The following FXYD5 variants were observed in gnomAD, a reference collection of about 807,000 sequenced individuals.
FXYD5 encodes FXYD domain-containing ion transport regulator 5.
FXYD5 carries 21 observed loss-of-function variants against 25.7 expected under a neutral mutation model. The observed-to-expected ratio is 0.82, with a 90% confidence interval of 0.58 to 1.18. The LOEUF is 1.18. FXYD5 is among the 50% of genes most tolerant of loss of function. FXYD5 has a pLI of 0.00. For missense variants in FXYD5, 229 were observed against 227.7 expected (o/e 1.01, Z -0.04); for synonymous variants, 101 against 90.7 (o/e 1.11, Z -0.64).
intron 8 of FXYD5, among the ~76,000 whole-genome samples, chr19:35,167,389 CACTT>C (rs1000628249): frequency 2.6e-5 from 4 of 152,190 alleles, no homozygotes; most frequent in African/African-American, 9.6e-5. Flanking sequence ...GCCACTGCCT[CACTT>C]GTGACCAAAC....
At chr19:35,163,916 T>G (rs2065427586) in intron 5 of FXYD5, 1 of 1,285,706 alleles carries the variant, frequency 7.8e-7, no homozygotes, top group African/African-American at 1.5e-5. Context: ...GGGTCTGGAG[T>G]CCCTCGGGGA....
chr19:35,169,477 G>C (rs1311662095), intron 8 of FXYD5, 89 bp from the exon 9 acceptor site: 1 of 988,514 alleles, frequency 1.0e-6, no homozygotes. Context: ...GAGGGGCAGG[G>C]TTGATCAATC....
intron 5 of FXYD5, among the ~76,000 whole-genome samples, chr19:35,162,387 A>G (rs1294328993): frequency 6.6e-6 from 1 of 152,196 alleles, no homozygotes; most frequent in African/African-American, 2.4e-5. Flanking sequence ...ACAAAATACC[A>G]CAGACTGGAT....
rs61309039 is a variant in FXYD5, at chr19:35,161,248, A to ACACACACAC, written c.292+447_292+448insCACACACAC. 1.1e-4 allele frequency among the ~76,000 whole-genome samples: 16 copies of ACACACACAC among 142,846 alleles called. 1 individual carries two copies. The highest frequency in any genetic ancestry group is 2.1e-4 in the Admixed American group (3 of 14,164). The allele number at this position is 142,846 out of a possible 152,430, so 93.7% of individuals were successfully genotyped here. The stretch of plus-strand genomic sequence containing the variant: ...CACACACACACACACACACACACAC[A>ACACACACAC]AAAGAATGATTGGCTATATAAGTTC... On this transcript the variant is annotated intron_variant, in intron 5 of 8. Coordinates refer to ENST00000392219, the MANE Select transcript of FXYD5 (RefSeq NM_014164.6).
intron 3 of FXYD5, 116 bp from the exon 4 acceptor site, chr19:35,158,228 T>C: frequency 1.4e-6 from 1 of 731,492 alleles, no homozygotes; most frequent in South Asian, 1.5e-5. Context: ...TTAAGCCATT[T>C]CTATTACATT....
chr19:35,166,260 C>A lies in FXYD5; in HGVS notation c.422C>A (p.Thr141Asn), dbSNP rs767740800. The A allele has an allele frequency of 1.9e-6, 3 of 1,611,920 alleles. No homozygotes were observed. The East Asian group carries it at 6.7e-5, about 36-fold the overall frequency. The part of the protein sequence containing the change: ...EDDPFFYDEH[T>N]LRKRGLLVAA... ...ATTTTTCTCTCTGCAGATGAACACA[C>A]CCTCCGGAAACGGGGGCTGTTGGTC... The change falls in exon 8 of 9, where the codon ACC (threonine) becomes AAC (asparagine). Residue 141 changes from threonine to asparagine, a missense_variant. Thr to Asn is a moderately conservative substitution (Grantham distance 65). Transcript: ENST00000392219.
At chr19:35,155,159 G>C (rs1405648796) in intron 1 of FXYD5, 1 of 221,624 alleles carries the variant, frequency 4.5e-6, no homozygotes, top group African/African-American at 2.3e-5. Context: ...CTGGGCCCCT[G>C]GGGGAGGGAA....
Position 35,160,753 on chromosome 19 carries a change from G to C in FXYD5, c.244G>C (p.Asp82His). 6.2e-7 allele frequency: 1 copy of C among 1,613,802 alleles called. No homozygotes were observed. Among genetic ancestry groups the C allele is most frequent in the Non-Finnish European group, 8.5e-7 (1 of 1,179,798 alleles). ...QTQTQQLEGT[D>H]GPLVTDPETH... is the part of the protein sequence containing the mutation. ...CCAGACCCAGCAACTGGAAGGAACGGATGGGCCTCTAGTGACAGATCCAGA... is the reference window on the plus strand; with the variant it reads ...CCAGACCCAGCAACTGGAAGGAACGCATGGGCCTCTAGTGACAGATCCAGA... Residue 82 changes from aspartate to histidine, a missense_variant, in exon 5 of 9, where the codon GAT (aspartate) becomes CAT (histidine). Coordinates refer to ENST00000392219, the MANE Select transcript of FXYD5 (RefSeq NM_014164.6).
intron 4 of FXYD5, chr19:35,159,446 T>C: frequency 6.5e-7 from 1 of 1,533,782 alleles, no homozygotes; most frequent in Non-Finnish European, 8.8e-7. Context: ...CAGTCGTATG[T>C]TTGGAAGTTC....
At chr19:35,155,755 T>C in intron 2 of FXYD5, 144 bp downstream of exon 2, 2 of 699,530 alleles carry the variant, frequency 2.9e-6, no homozygotes, top group South Asian at 1.6e-5. Context: ...GAAGTGGGGA[T>C]CCCTATGGCG....
chr19:35,164,386 G>T, intron 6 of FXYD5, 141 bp downstream of exon 6: 1 of 762,966 alleles, frequency 1.3e-6, no homozygotes, highest in Admixed American at 3.2e-5. Flanking sequence ...CAGGCAGAGG[G>T]TGGGCACATG....
chr19:35,164,054 T>A, intron 5 of FXYD5, 102 bp from the exon 6 acceptor site: 1 of 1,584,360 alleles, frequency 6.3e-7, no homozygotes, highest in Non-Finnish European at 8.6e-7. Flanking sequence ...GCTGTGTAGA[T>A]GTGGGAGAGG....
intron 4 of FXYD5, among the ~76,000 whole-genome samples, chr19:35,159,339 G>A (rs890273415): frequency 9.2e-5 from 14 of 152,168 alleles, no homozygotes; most frequent in African/African-American, 3.4e-4. Context: ...CACATCCCAT[G>A]TATATTACTT....
chr19:35,160,972 G>A (rs1291506256), intron 5 of FXYD5, among the ~76,000 whole-genome samples, 171 bp downstream of exon 5: 1 of 152,168 alleles, frequency 6.6e-6, no homozygotes, highest in African/African-American at 2.4e-5. Context: ...CTGAGTTAAA[G>A]TTAACCATGT....
intron 5 of FXYD5, among the ~76,000 whole-genome samples, chr19:35,161,041 C>T (rs1345076976): frequency 6.6e-6 from 1 of 152,152 alleles, no homozygotes; most frequent in East Asian, 1.9e-4. Flanking sequence ...AAAGGATCCC[C>T]AAGGGGCAGC....
At chr19:35,163,991 T>C in intron 5 of FXYD5, 165 bp from the exon 6 acceptor site, 3 of 1,482,558 alleles carry the variant, frequency 2.0e-6, no homozygotes, top group Middle Eastern at 1.8e-4. Context: ...ATGCCTGTCA[T>C]TACTTATTGC....
In FXYD5 at chr19:35,166,269, A is replaced by G. The variant is rs755441989; in HGVS notation, c.431A>G (p.Lys144Arg). 2.5e-6 allele frequency: 4 copies of G among 1,611,598 alleles called. No homozygotes were observed. In the African/African-American group the frequency reaches 4.0e-5, roughly 16 times the overall value. The change falls in exon 8 of 9, where the codon AAA becomes AGA. Residue 144 changes from lysine (K) to arginine (R), a missense_variant. Lys to Arg is a conservative substitution (Grantham distance 26). Coordinates refer to ENST00000392219, the MANE Select transcript of FXYD5 (RefSeq NM_014164.6). The part of the protein sequence containing the change: ...PFFYDEHTLR[K>R]RGLLVAAVLF... ...TCTGCAGATGAACACACCCTCCGGAAACGGGGGCTGTTGGTCGCAGCTGTG... is the reference window on the plus strand; with the variant it reads ...TCTGCAGATGAACACACCCTCCGGAGACGGGGGCTGTTGGTCGCAGCTGTG...
chr19:35,157,492 C>T lies in FXYD5; in HGVS notation c.133C>T (p.Arg45Ter), dbSNP rs761529729. The T allele has an allele frequency of 5.2e-6, 8 of 1,538,016 alleles. No homozygotes were observed. Among genetic ancestry groups the T allele is most frequent in the African/African-American group, 2.7e-5 (2 of 73,450 alleles). Residue 45 changes from arginine to a stop codon, truncating the protein, a stop_gained, in exon 3 of 9, where the codon CGA becomes TGA. Transcript: ENST00000392219. LOFTEE classifies it high-confidence loss of function. ...STIMDIQVPT[R>*]APDAVYTELQ... is the part of the protein sequence containing the mutation. Reference sequence around the variant, plus strand: ...TATCATGGACATTCAGGTCCCGACACGAGCCCCAGGTGAGGAAAGGGACAC... The same window carrying T: ...TATCATGGACATTCAGGTCCCGACATGAGCCCCAGGTGAGGAAAGGGACAC...
At chr19:35,155,130 C>G (rs2065340750) in intron 1 of FXYD5, 1 of 209,482 alleles carries the variant, frequency 4.8e-6, no homozygotes, top group Non-Finnish European at 9.7e-6. Flanking sequence ...TCCTTCCCCT[C>G]CTCGCCGACT....
Sources: gnomAD v4.1 joint callset for allele counts (sites outside exome capture counted in the v4.1 genomes callset) on GRCh38, gnomAD v4.1.1 for gene constraint, MANE v1.5 for transcripts, NCBI Gene and HGNC (gene_info 2026-07-23, HGNC 2026-07-21) for gene names.